Variants in GALNT13 observed in about 807,000 individuals in gnomAD.
The protein encoded by GALNT13 is polypeptide N-acetylgalactosaminyltransferase 13, also known as UDP-GalNAc:polypeptide N-acetylgalactosaminyltransferase 13.
A neutral mutation model predicts 64.2 loss-of-function variants in GALNT13; 28 were observed. The observed-to-expected ratio is 0.44, with a 90% CI of 0.32 to 0.60. The LOEUF is 0.60. Ranked by LOEUF, GALNT13 falls within the 20% of genes least tolerant of loss-of-function variation. The pLI is 0.05. For missense variants in GALNT13, 577 were observed against 669.8 expected, an observed-to-expected ratio of 0.86 and a Z score of 1.53; for synonymous variants, 214 against 224.6, an observed-to-expected ratio of 0.95 and a Z score of 0.42.
chr2:153,587,847 A>T, the GALNT13 span, among the ~76,000 whole-genome samples: 1 of 152,236 alleles, frequency 6.6e-6, no homozygotes, highest in African/African-American at 2.4e-5. Context: ...AGACAAGGCA[A>T]GTCTCTTCTG....
At chr2:153,390,170 A>T in the GALNT13 span, among the ~76,000 whole-genome samples, 35 of 152,292 alleles carry the variant, frequency 2.3e-4, no homozygotes, top group African/African-American at 8.4e-4. Flanking sequence ...AGGGACATGG[A>T]TGAAGCTGGA....
the GALNT13 span, among the ~76,000 whole-genome samples, chr2:153,740,609 A>G: frequency 7.6e-4 from 115 of 152,172 alleles, no homozygotes; most frequent in African/African-American, 2.6e-3. Flanking sequence ...TTTGGATTGT[A>G]TCCTGCGCCT....
At chr2:153,113,266 C>A in the GALNT13 span, among the ~76,000 whole-genome samples, 1 of 152,004 alleles carries the variant, frequency 6.6e-6, no homozygotes, top group African/African-American at 2.4e-5. Context: ...TTCTGTCCAT[C>A]TAGGCAGGAG....
chr2:154,327,223 G>T (rs1414312899), intron 9 of GALNT13, among the ~76,000 whole-genome samples: 1 of 152,016 alleles, frequency 6.6e-6, no homozygotes, highest in African/African-American at 2.4e-5. Flanking sequence ...CTGTCGCCTT[G>T]TGAAGGTCGC....
chr2:154,394,610 T>A (rs1355891840), intron 9 of GALNT13, among the ~76,000 whole-genome samples: 2 of 152,254 alleles, frequency 1.3e-5, no homozygotes. Context: ...TTATTTCAAC[T>A]GTAATAATAC....
At chr2:154,116,566 G>GT in intron 3 of GALNT13, among the ~76,000 whole-genome samples, 1 of 152,226 alleles carries the variant, frequency 6.6e-6, no homozygotes, top group African/African-American at 2.4e-5. Context: ...CAGCTTCATT[G>GT]TTTTTTGGTT....
chr2:153,921,864 T>C (rs945466054), intron 2 of GALNT13, among the ~76,000 whole-genome samples: 1 of 152,028 alleles, frequency 6.6e-6, no homozygotes, highest in African/African-American at 2.4e-5. Context: ...GGTCAGATGG[T>C]TTTTATAATT....
intron 7 of GALNT13, among the ~76,000 whole-genome samples, chr2:154,257,407 T>C (rs772268239): frequency 6.6e-6 from 1 of 152,004 alleles, no homozygotes; most frequent in Non-Finnish European, 1.5e-5. Flanking sequence ...ATTGCAGCAA[T>C]TTTGGTTCCT....
the GALNT13 span, among the ~76,000 whole-genome samples, chr2:153,588,232 A>T: frequency 6.6e-6 from 1 of 152,220 alleles, no homozygotes; most frequent in Non-Finnish European, 1.5e-5. Context: ...TGGAGTCTGG[A>T]GGATGGTGGC....
At chr2:154,324,398 T>G (rs1694777366) in intron 9 of GALNT13, among the ~76,000 whole-genome samples, 1 of 152,104 alleles carries the variant, frequency 6.6e-6, no homozygotes. Context: ...CTTTGTCCAC[T>G]GGAGGATATT....
chr2:154,443,253 C>T (rs933850534), intron 12 of GALNT13, among the ~76,000 whole-genome samples: 15 of 151,974 alleles, frequency 9.9e-5, no homozygotes, highest in African/African-American at 2.9e-4. Flanking sequence ...AATAGATTAG[C>T]GTCATATTTG....
chr2:154,028,075 G>A (rs185142110), intron 3 of GALNT13, among the ~76,000 whole-genome samples: 28 of 152,198 alleles, frequency 1.8e-4, no homozygotes, highest in Admixed American at 1.8e-3. Flanking sequence ...TGCCAAAGGA[G>A]GATGGTAAAC....
chr2:153,831,559 G>T, the GALNT13 span, among the ~76,000 whole-genome samples: 1 of 151,988 alleles, frequency 6.6e-6, no homozygotes, highest in African/African-American at 2.4e-5. Context: ...GCCTCATCAC[G>T]CCTCAGCACC....
the GALNT13 span, among the ~76,000 whole-genome samples, chr2:153,200,185 T>G: frequency 1.3e-5 from 2 of 152,124 alleles, no homozygotes; most frequent in Non-Finnish European, 2.9e-5. Context: ...ATTCTGAGGA[T>G]AAACTGAAGC....
the GALNT13 span, among the ~76,000 whole-genome samples, chr2:153,781,971 C>T: frequency 6.6e-5 from 10 of 152,116 alleles, no homozygotes; most frequent in African/African-American, 2.4e-4. Context: ...TTGTGACCTG[C>T]GTGGACAGGT....
intron 9 of GALNT13, among the ~76,000 whole-genome samples, chr2:154,383,035 C>T (rs1458586195): frequency 6.6e-6 from 1 of 151,748 alleles, no homozygotes; most frequent in Non-Finnish European, 1.5e-5. Flanking sequence ...TCTAAGAGTG[C>T]GATTCTGAGA....
At chr2:153,410,987 C>A in the GALNT13 span, among the ~76,000 whole-genome samples, 1 of 151,772 alleles carries the variant, frequency 6.6e-6, no homozygotes, top group East Asian at 1.9e-4. Context: ...CTCTCACCTC[C>A]CTGAGTAGTT....
the GALNT13 span, among the ~76,000 whole-genome samples, chr2:153,493,070 C>G: frequency 6.6e-6 from 1 of 151,104 alleles, no homozygotes; most frequent in South Asian, 2.1e-4. Flanking sequence ...TTAAATGTTA[C>G]AAAAGAAGGA....
chr2:154,435,129 A>G (rs954217819), intron 11 of GALNT13, among the ~76,000 whole-genome samples: 5 of 152,236 alleles, frequency 3.3e-5, no homozygotes, highest in East Asian at 1.9e-4. Context: ...TGCTAAATCT[A>G]TGGTTCATGT....
Sources: gnomAD v4.1 joint callset for allele counts (sites outside exome capture counted in the v4.1 genomes callset) on GRCh38, gnomAD v4.1.1 for gene constraint, MANE v1.5 for transcripts, NCBI Gene and HGNC (gene_info 2026-07-23, HGNC 2026-07-21) for gene names.